Variants in FERMT2 observed in about 807,000 individuals in gnomAD.
The protein encoded by FERMT2 is FERM domain containing kindlin 2.
In FERMT2, 15 loss-of-function variants were observed where a neutral mutation model predicts 82.7. The observed-to-expected ratio is 0.18, with a 90% CI of 0.12 to 0.28. The LOEUF (loss-of-function observed/expected upper bound fraction) is 0.28, where lower values mean the gene tolerates loss of function less well. FERMT2 is among the 10% of genes least tolerant of loss of function. The pLI is 1.00. For missense variants in FERMT2, 645 were observed against 809.4 expected, an observed-to-expected ratio of 0.80 and a Z score of 2.46; for synonymous variants, 274 against 271.5, an observed-to-expected ratio of 1.01 and a Z score of -0.09.
intron 2 of FERMT2, among the ~76,000 whole-genome samples, chr14:52,943,707 T>G (rs1890198189): frequency 6.6e-6 from 1 of 152,296 alleles, no homozygotes; most frequent in South Asian, 2.1e-4. Context: ...CCCCAACATG[T>G]GTATGTTTGT....
chr14:52,904,355 A>C (rs1432602573), intron 3 of FERMT2, among the ~76,000 whole-genome samples: 1 of 152,236 alleles, frequency 6.6e-6, no homozygotes, highest in Non-Finnish European at 1.5e-5. Flanking sequence ...CGCCTCCACT[A>C]AAAATTAAAA....
chr14:52,877,574 C>CTTTTTGTTTT (rs1886041565), intron 7 of FERMT2, among the ~76,000 whole-genome samples: 2 of 67,058 alleles, frequency 3.0e-5, no homozygotes, highest in African/African-American at 6.1e-5. Flanking sequence ...GCTGTTCTTG[C>CTTTTTGTTTT]TTTTTTTTTT....
chr14:52,895,238 C>T (rs1347851804), intron 3 of FERMT2, among the ~76,000 whole-genome samples: 1 of 152,194 alleles, frequency 6.6e-6, no homozygotes, highest in African/African-American at 2.4e-5. Context: ...TGAAGAGGAA[C>T]TTGAACTCTC....
chr14:52,916,732 G>A (rs988379739), intron 3 of FERMT2, among the ~76,000 whole-genome samples: 18 of 152,172 alleles, frequency 1.2e-4, no homozygotes, highest in Admixed American at 1.0e-3. Flanking sequence ...TACAATAAAT[G>A]TACCATTCTG....
intron 3 of FERMT2, among the ~76,000 whole-genome samples, chr14:52,906,939 C>A (rs1888042705): frequency 1.6e-5 from 1 of 61,900 alleles, no homozygotes; most frequent in Non-Finnish European, 2.9e-5. Context: ...TGAGGGACAT[C>A]AATTATTGGG....
At chr14:52,946,775 T>A (rs978964040) in intron 2 of FERMT2, among the ~76,000 whole-genome samples, 1 of 152,014 alleles carries the variant, frequency 6.6e-6, no homozygotes, top group African/African-American at 2.4e-5. Context: ...CAGGTTCAAG[T>A]GATTCTCCTG....
At chr14:52,925,938 C>T (rs1889243176) in intron 2 of FERMT2, among the ~76,000 whole-genome samples, 2 of 152,182 alleles carry the variant, frequency 1.3e-5, no homozygotes, top group South Asian at 4.1e-4. Context: ...GCCACCGCGC[C>T]CGGCACAGAT....
rs1191996677 is a variant in FERMT2, at chr14:52,881,849, G to A, written c.527-380C>T. 1.1e-5 allele frequency: 13 copies of A among 1,205,588 alleles called. No individual in the cohort carries two copies. In the Admixed American group the frequency reaches 1.2e-4, roughly 11 times the overall value. The allele number at this position is 1,205,588 out of a possible 1,614,324, so 74.7% of individuals were successfully genotyped here. On this transcript the variant is annotated intron_variant, in intron 4 of 14. Coordinates refer to ENST00000341590, the MANE Select transcript of FERMT2 (RefSeq NM_006832.3). The stretch of plus-strand genomic sequence containing the variant: ...AGTGCCTATAGGAAAGGAAAGAAAG[G>A]AATTCAGAAGGTAAAGGAAAGGCCA...
At chr14:52,885,743 T>C (rs896239435) in intron 4 of FERMT2, among the ~76,000 whole-genome samples, 5 of 152,200 alleles carry the variant, frequency 3.3e-5, no homozygotes, top group Non-Finnish European at 5.9e-5. Context: ...TAACTTATTA[T>C]AAATTGTATA....
At chr14:52,946,286 C>G (rs1890352245) in intron 2 of FERMT2, among the ~76,000 whole-genome samples, 1 of 151,962 alleles carries the variant, frequency 6.6e-6, no homozygotes, top group South Asian at 2.1e-4. Flanking sequence ...TTTTTATAAT[C>G]CTTATCCCTG....
chr14:52,909,935 C>A (rs1888220263), intron 3 of FERMT2, among the ~76,000 whole-genome samples: 1 of 152,060 alleles, frequency 6.6e-6, no homozygotes, highest in African/African-American at 2.4e-5. Flanking sequence ...CACCTGTAGT[C>A]CCAGCTACTC....
intron 12 of FERMT2, chr14:52,863,354 A>T (rs557684507): frequency 9.7e-4 from 148 of 152,354 alleles, no homozygotes; most frequent in African/African-American, 3.5e-3. Flanking sequence ...GAGCCTTTTT[A>T]GTATGTTTTA....
intron 8 of FERMT2, 119 bp downstream of exon 8, chr14:52,875,104 T>C: frequency 1.2e-6 from 1 of 842,564 alleles, no homozygotes; most frequent in Non-Finnish European, 1.8e-6. Context: ...ATCTGATTTC[T>C]CTCTCTAAAG....
At chr14:52,926,938 AATT>A (rs1386336214) in intron 2 of FERMT2, among the ~76,000 whole-genome samples, 2 of 152,212 alleles carry the variant, frequency 1.3e-5, no homozygotes, top group African/African-American at 4.8e-5. Context: ...TTCTGGAAAG[AATT>A]ATTTCTGTGT....
intron 2 of FERMT2, among the ~76,000 whole-genome samples, chr14:52,943,867 C>T (rs1890204963): frequency 6.6e-6 from 1 of 152,096 alleles, no homozygotes; most frequent in East Asian, 1.9e-4. Flanking sequence ...ATTTTCTTTC[C>T]ATTCTCTTCA....
chr14:52,943,246 T>C (rs1246907557), intron 2 of FERMT2, among the ~76,000 whole-genome samples: 1 of 151,962 alleles, frequency 6.6e-6, no homozygotes, highest in Non-Finnish European at 1.5e-5. Context: ...AAATTTGCAC[T>C]GATACTAAGA....
chr14:52,867,926 C>A (rs1343622084), intron 10 of FERMT2, among the ~76,000 whole-genome samples: 1 of 152,152 alleles, frequency 6.6e-6, no homozygotes, highest in Non-Finnish European at 1.5e-5. Flanking sequence ...CTTTTCTCAT[C>A]CCATGTTGAT....
intron 4 of FERMT2, among the ~76,000 whole-genome samples, chr14:52,885,617 G>T (rs1886553547): frequency 6.6e-6 from 1 of 152,064 alleles, no homozygotes; most frequent in African/African-American, 2.4e-5. Flanking sequence ...CTCTAAGGGG[G>T]AGAAATAGAG....
At chr14:52,895,586 A>G (rs567298390) in intron 3 of FERMT2, among the ~76,000 whole-genome samples, 3 of 152,270 alleles carry the variant, frequency 2.0e-5, no homozygotes, top group Non-Finnish European at 4.4e-5. Context: ...AGAAAAGAGT[A>G]TATGTGATTC....
Sources: gnomAD v4.1 joint callset for allele counts (sites outside exome capture counted in the v4.1 genomes callset) on GRCh38, gnomAD v4.1.1 for gene constraint, MANE v1.5 for transcripts, NCBI Gene and HGNC (gene_info 2026-07-23, HGNC 2026-07-21) for gene names.